Variants in LAMA3 observed in about 807,000 individuals in gnomAD.
The protein encoded by LAMA3 is laminin subunit alpha-3.
Under a neutral mutation model 402.0 loss-of-function variants are expected in LAMA3, and 281 were observed. That is an observed-to-expected ratio of 0.70 (90% CI 0.63 to 0.77). LAMA3 has a LOEUF of 0.77. LAMA3 is among the 30% of genes least tolerant of loss of function. The pLI is 0.00. For synonymous variants in LAMA3, 1,431 were observed against 1,558.4 expected (o/e 0.92, Z 1.93); for missense variants, 3,840 against 4,215.5 (o/e 0.91, Z 2.47).
Position 23,943,990 on chromosome 18 carries a change from T to A in LAMA3, c.9210+19T>A. The A allele has an allele frequency of 1.2e-6, 2 of 1,610,910 alleles. No homozygotes were observed. The highest frequency in any genetic ancestry group is 4.5e-5 in the East Asian group (2 of 44,844). On this transcript the variant is annotated intron_variant, in intron 69 of 74. Coordinates refer to ENST00000313654, the MANE Select transcript of LAMA3 (RefSeq NM_198129.4). ...GCACACGGTAAGAGCTGGGGCTGTG[T>A]CAGTATCTCCAGTTGGTGTGGAATT...
intron 12 of LAMA3, among the ~76,000 whole-genome samples, chr18:23,798,837 G>C (rs1452446248): frequency 6.6e-6 from 1 of 152,170 alleles, no homozygotes; most frequent in Non-Finnish European, 1.5e-5. Context: ...TGGGCAATAA[G>C]AGCATCCCTC....
chr18:23,907,916 G>A lies in LAMA3; in HGVS notation c.6996G>A (p.Leu2332=), dbSNP rs2145184165. ...AGAACGAAGACTTCAAAAAGGCTCT[G>A]ACTGATGCAGATAACTCGGGTATCA... ...RTQNEDFKKA[L]TDADNSVNKL... is the part of the protein sequence containing the mutation. Residue 2332 remains leucine (L), a synonymous_variant, in exon 54 of 75, where the codon CTG becomes CTA. Coordinates refer to ENST00000313654, the MANE Select transcript of LAMA3 (RefSeq NM_198129.4). 1.9e-6 allele frequency: 3 copies of A among 1,613,844 alleles called. No homozygotes were observed. Among genetic ancestry groups the A allele is most frequent in the Non-Finnish European group, 2.5e-6 (3 of 1,180,016 alleles).
intron 2 of LAMA3, among the ~76,000 whole-genome samples, chr18:23,729,744 C>T (rs560789307): frequency 1.6e-4 from 24 of 152,316 alleles, no homozygotes; most frequent in African/African-American, 5.1e-4. Flanking sequence ...GGTGGGTCCC[C>T]ACGTTCTAGA....
intron 7 of LAMA3, among the ~76,000 whole-genome samples, chr18:23,759,330 C>T (rs1284961805): frequency 1.8e-5 from 2 of 112,574 alleles, no homozygotes; most frequent in Non-Finnish European, 1.9e-5. Context: ...AAGATCCTGT[C>T]AAAAAAAAAA....
intron 55 of LAMA3, among the ~76,000 whole-genome samples, chr18:23,911,142 CA>C (rs1368454334): frequency 7.3e-6 from 1 of 136,896 alleles, no homozygotes; most frequent in Admixed American, 7.6e-5. Context: ...TGACAAAAAG[CA>C]GGAGAGAATG....
intron 31 of LAMA3, among the ~76,000 whole-genome samples, 176 bp from the exon 32 acceptor site, chr18:23,847,288 T>C (rs886825743): frequency 6.6e-6 from 1 of 152,224 alleles, no homozygotes; most frequent in Non-Finnish European, 1.5e-5. Context: ...CCATCCACAC[T>C]GTCTGCCATG....
chr18:23,713,978 A>T lies in LAMA3; in HGVS notation c.353A>T (p.Asn118Ile). Residue 118 changes from asparagine to isoleucine, a missense_variant, in exon 2 of 75, where the codon AAT becomes ATT. Physicochemically the swap from Asn to Ile is moderately radical, Grantham distance 149 (BLOSUM62 -3). Transcript: ENST00000313654. ...CCCAGGAAAGCACATCCTGTCACCA[A>T]TGCCATCGATGGATCTGAACGTTGG... ...EDPRKAHPVT[N>I]AIDGSERWWQ... The T allele has an allele frequency of 1.9e-6, 3 of 1,613,978 alleles. No individual in the cohort carries two copies. In the African/African-American group the frequency reaches 4.0e-5, roughly 22 times the overall value.
chr18:23,732,831 G>A (rs1204989540), intron 2 of LAMA3, among the ~76,000 whole-genome samples: 1 of 152,084 alleles, frequency 6.6e-6, no homozygotes, highest in Admixed American at 6.5e-5. Context: ...TACTAGGGGT[G>A]TTGTAAAGGC....
chr18:23,819,842 C>A lies in LAMA3; in HGVS notation c.2149C>A (p.Pro717Thr). Residue 717 changes from proline to threonine, a missense_variant and splice_region_variant, in exon 19 of 75, where the codon CCT (proline) becomes ACT (threonine). Physicochemically the swap from Pro to Thr is conservative, Grantham distance 38 (BLOSUM62 -1). This residue lies in a region of LAMA3 where 2,109 missense variants were observed against 2,376.0 expected (regional missense o/e 0.89). Transcript: ENST00000313654. ...GTGTTTACTTTTTAATTATGAAAGG[C>A]CTGAAAACAACTACTATTTCCCAGA... ...EHVVGKVCQR[P>T]ENNYYFPDLH... The A allele has an allele frequency of 6.2e-7, 1 of 1,613,770 alleles. No homozygotes were observed. The highest frequency in any genetic ancestry group is 8.5e-7 in the Non-Finnish European group (1 of 1,179,750).
Position 23,846,323 on chromosome 18 carries a change from A to C in LAMA3, c.3746A>C (p.Lys1249Thr), listed in dbSNP as rs767180321. 2.5e-6 allele frequency: 4 copies of C among 1,614,254 alleles called. No homozygotes were observed. The highest frequency in any genetic ancestry group is 3.4e-6 in the Non-Finnish European group (4 of 1,180,046). The change falls in exon 31 of 75, where the codon AAG becomes ACG. Residue 1249 changes from lysine to threonine, a missense_variant. This residue lies in a region of LAMA3 where 2,109 missense variants were observed against 2,376.0 expected (regional missense o/e 0.89). Transcript: ENST00000313654. ...CCCCAGACAGCCTCCAGATTCTGTA[A>C]GAATTCCGCCAGGTCCCTGGTGGCC... ...LDPQTASRFC[K>T]NSARSLVAFY...
chr18:23,765,584 A>G (rs1388296077), intron 8 of LAMA3, among the ~76,000 whole-genome samples: 1 of 152,214 alleles, frequency 6.6e-6, no homozygotes, highest in Non-Finnish European at 1.5e-5. Context: ...GAAGATTCAA[A>G]AAAAGTGACC....
In LAMA3 at chr18:23,763,467, G is replaced by A. The variant is rs749949281; in HGVS notation, c.1126G>A (p.Ala376Thr). 4 of 1,613,972 alleles carry A rather than the reference G, an allele frequency of 2.5e-6. No homozygotes were observed. The highest frequency in any genetic ancestry group is 1.3e-5 in the African/African-American group (1 of 75,044). The change falls in exon 8 of 75, where the codon GCA (alanine) becomes ACA (threonine). Residue 376 changes from alanine to threonine, a missense_variant. By Grantham distance (58) the Ala-to-Thr change is moderately conservative. Coordinates refer to ENST00000313654, the MANE Select transcript of LAMA3 (RefSeq NM_198129.4). ...YYDPDVERQQ[A>T]SLNTQGIYAG... ...TGATCCAGATGTTGAGCGGCAGCAG[G>A]CAAGCTTGAATACCCAGGGCATCTA...
chr18:23,905,598 A>C lies in LAMA3; in HGVS notation c.6692A>C (p.Lys2231Thr). 1 of 1,610,086 alleles carries C rather than the reference A, an allele frequency of 6.2e-7. No individual in the cohort carries two copies. The highest frequency in any genetic ancestry group is 1.1e-5 in the South Asian group (1 of 90,954). Residue 2231 changes from lysine (K) to threonine (T), a missense_variant, in exon 52 of 75, where the codon AAG (lysine) becomes ACG (threonine). Physicochemically the swap from Lys to Thr is moderately conservative, Grantham distance 78. Transcript: ENST00000313654. ...SNSDKLLNEA[K>T]MTQKKLKQEV... ...AGTGATAAACTGTTAAATGAAGCCAAGATGACACAAAAGAAGCTAAAGCAA... is the reference window on the plus strand; with the variant it reads ...AGTGATAAACTGTTAAATGAAGCCACGATGACACAAAAGAAGCTAAAGCAA...
chr18:23,867,689 T>C, intron 36 of LAMA3, 145 bp from the exon 37 acceptor site: 1 of 720,632 alleles, frequency 1.4e-6, no homozygotes, highest in Non-Finnish European at 2.6e-6. Context: ...TCACTAATAT[T>C]TTTACCAGTC....
chr18:23,731,548 C>G (rs2061394740), intron 2 of LAMA3, among the ~76,000 whole-genome samples: 1 of 152,206 alleles, frequency 6.6e-6, no homozygotes, highest in Non-Finnish European at 1.5e-5. Context: ...CTTTGCCCCA[C>G]AAACTGGTGT....
rs368706728 is a variant in LAMA3, at chr18:23,816,439, C to T, written c.2099C>T (p.Ser700Leu). The T allele has an allele frequency of 4.0e-5, 64 of 1,613,998 alleles. No individual in the cohort carries two copies. Among genetic ancestry groups the T allele is most frequent in the Middle Eastern group, 3.3e-4 (2 of 6,060 alleles). Residue 700 changes from serine (S) to leucine (L), a missense_variant, in exon 18 of 75, where the codon TCG (serine) becomes TTG (leucine). This residue lies in a region of LAMA3 where 2,109 missense variants were observed against 2,376.0 expected (regional missense o/e 0.89). Coordinates refer to ENST00000313654, the MANE Select transcript of LAMA3 (RefSeq NM_198129.4). The stretch of plus-strand genomic sequence containing the variant: ...TTGTCCTCCATGTGCAGTGGGCCCT[C>T]GGGAGTGTGCCAGTGCCGAGAGCAT... Reference protein sequence around the residue: ...GALSSMCSGPSGVCQCREHVV... With the variant: ...GALSSMCSGPLGVCQCREHVV...
At chr18:23,854,022 G>A (rs2064005984) in intron 32 of LAMA3, among the ~76,000 whole-genome samples, 1 of 152,172 alleles carries the variant, frequency 6.6e-6, no homozygotes, top group Admixed American at 6.5e-5. Context: ...GGTTCACCCT[G>A]GCCTAGCAGG....
intron 68 of LAMA3, among the ~76,000 whole-genome samples, chr18:23,941,328 C>CA (rs1286463718): frequency 8.4e-6 from 1 of 119,676 alleles, no homozygotes; most frequent in Non-Finnish European, 1.7e-5. Flanking sequence ...AGCTTGGCGC[C>CA]CCCCCCCCGC....
At chr18:23,877,936 CCT>C (rs1309829400) in intron 39 of LAMA3, among the ~76,000 whole-genome samples, 1 of 151,930 alleles carries the variant, frequency 6.6e-6, no homozygotes, top group Non-Finnish European at 1.5e-5. Context: ...ACAGTGAAAC[CCT>C]GTCTCTACTA....
Sources: allele counts gnomAD v4.1 joint callset (sites outside exome capture counted in the v4.1 genomes callset), GRCh38; gene constraint gnomAD v4.1.1; regional missense constraint gnomAD v4.1.1; transcripts MANE v1.5; gene names NCBI Gene and HGNC (gene_info 2026-07-23, HGNC 2026-07-21).